MPP4: variants seen among roughly 807,000 people sequenced by gnomAD.
The protein encoded by MPP4 is MAGUK p55 scaffold protein 4, also known as MAGUK p55 subfamily member 4.
Under a neutral mutation model 98.3 loss-of-function variants are expected in MPP4, and 91 were observed. The ratio of observed to expected loss-of-function variants is 0.93; its 90% confidence interval spans 0.78 to 1.10. The LOEUF (loss-of-function observed/expected upper bound fraction) is 1.10, where lower values mean the gene tolerates loss of function less well. MPP4 is among the 50% of genes least tolerant of loss of function. The pLI is 0.00. For synonymous variants in MPP4, 261 were observed against 271.8 expected (o/e 0.96, Z 0.39); for missense variants, 744 against 792.9 (o/e 0.94, Z 0.74).
At chr2:201,653,753 T>G (rs1310166111) in intron 18 of MPP4, among the ~76,000 whole-genome samples, 1 of 152,092 alleles carries the variant, frequency 6.6e-6, no homozygotes, top group Admixed American at 6.6e-5. Context: ...ACGATGAATC[T>G]CAGTATGAAA....
chr2:201,674,880 C>T (rs956682302), intron 11 of MPP4, among the ~76,000 whole-genome samples: 1 of 152,076 alleles, frequency 6.6e-6, no homozygotes. Context: ...ACACCTGTGG[C>T]TCCATCTGGA....
chr2:201,680,885 G>T lies in MPP4; in HGVS notation c.882C>A (p.Asp294Glu). Reference sequence around the variant, plus strand: ...GGACAAGCCCAGCGCAGGTAGCAGGGTCTGAGATTTTTCGGGCCTGCCACC... The same window carrying T: ...GGACAAGCCCAGCGCAGGTAGCAGGTTCTGAGATTTTTCGGGCCTGCCACC... ...ALWWQARKISDPATCAGLVPS... is the reference protein window; with the variant it reads ...ALWWQARKISEPATCAGLVPS... Residue 294 changes from aspartate to glutamate, a missense_variant, in exon 10 of 22, where the codon GAC (aspartate) becomes GAA (glutamate). By Grantham distance (45) the Asp-to-Glu change is conservative. Coordinates refer to ENST00000409474, the MANE Select transcript of MPP4 (RefSeq NM_033066.3). 1 of 1,613,660 alleles carries T rather than the reference G, an allele frequency of 6.2e-7. No individual in the cohort carries two copies. The highest frequency in any genetic ancestry group is 8.5e-7 in the Non-Finnish European group (1 of 1,179,794).
At chr2:201,691,519 TTTTA>T (rs1311695811) in intron 3 of MPP4, among the ~76,000 whole-genome samples, 3 of 152,144 alleles carry the variant, frequency 2.0e-5, no homozygotes, top group South Asian at 2.1e-4. Context: ...ATTTATTCTA[TTTTA>T]TTTATTTATT....
intron 10 of MPP4, among the ~76,000 whole-genome samples, chr2:201,678,169 C>T (rs752912566): frequency 2.4e-4 from 36 of 152,108 alleles, no homozygotes; most frequent in Non-Finnish European, 4.7e-4. Context: ...TTTGTGTGCC[C>T]CCCCAAGAAA....
intron 4 of MPP4, among the ~76,000 whole-genome samples, 170 bp downstream of exon 4, chr2:201,690,031 GA>G (rs1688962586): frequency 6.6e-6 from 1 of 152,148 alleles, no homozygotes; most frequent in African/African-American, 2.4e-5. Context: ...AATTTGGGGA[GA>G]TACCCAGCCA....
chr2:201,693,198 G>A (rs925590575), intron 2 of MPP4, among the ~76,000 whole-genome samples, 169 bp from the exon 3 acceptor site: 13 of 152,320 alleles, frequency 8.5e-5, no homozygotes, highest in African/African-American at 2.9e-4. Flanking sequence ...CTTTGTGAAC[G>A]TCACAAAGTC....
intron 6 of MPP4, 97 bp downstream of exon 6, chr2:201,685,822 C>G: frequency 6.9e-7 from 1 of 1,452,030 alleles, no homozygotes; most frequent in Non-Finnish European, 9.4e-7. Context: ...TATGTGATCG[C>G]AGGCAAGGCT....
chr2:201,682,992 T>C, intron 7 of MPP4, 76 bp from the exon 8 acceptor site: 1 of 1,090,512 alleles, frequency 9.2e-7, no homozygotes, highest in Non-Finnish European at 1.4e-6. Flanking sequence ...CCTCGATAGC[T>C]ATTTAACTCA....
chr2:201,654,173 A>G (rs1687792253), intron 18 of MPP4, among the ~76,000 whole-genome samples: 1 of 152,054 alleles, frequency 6.6e-6, no homozygotes, highest in African/African-American at 2.4e-5. Flanking sequence ...ACGGGGTTTC[A>G]CCATGTTGGC....
intron 1 of MPP4, among the ~76,000 whole-genome samples, chr2:201,694,608 C>CAT (rs1689127689): frequency 1.3e-5 from 1 of 78,870 alleles, no homozygotes; most frequent in Non-Finnish European, 2.2e-5. Flanking sequence ...TTCTTTTTCC[C>CAT]TTTTTTTTTT....
At chr2:201,673,414 C>T (rs1212755067) in intron 11 of MPP4, 3 of 153,522 alleles carry the variant, frequency 2.0e-5, no homozygotes, top group Non-Finnish European at 4.4e-5. Context: ...CACTGGGGGC[C>T]TGTTGGCCGG....
chr2:201,689,776 C>T (rs1245426638), intron 4 of MPP4, among the ~76,000 whole-genome samples: 2 of 151,814 alleles, frequency 1.3e-5, no homozygotes, highest in African/African-American at 2.4e-5. Context: ...TGGGGAAGAT[C>T]GGGAGCTCAG....
At chr2:201,698,477 G>A in intron 1 of MPP4, 110 bp downstream of exon 1, 1 of 754,546 alleles carries the variant, frequency 1.3e-6, no homozygotes, top group Non-Finnish European at 1.9e-6. Context: ...TAAGCCATTT[G>A]AGTTAGATTA....
chr2:201,682,908 A>T lies in MPP4; in HGVS notation c.583T>A (p.Tyr195Asn). Residue 195 changes from tyrosine to asparagine, a missense_variant, in exon 8 of 22, where the codon TAT becomes AAT. Coordinates refer to ENST00000409474, the MANE Select transcript of MPP4 (RefSeq NM_033066.3). ...GGLAERSGLL[Y>N]AGDKLVEVNG... The stretch of plus-strand genomic sequence containing the variant: ...ACTTCTACCAGTTTGTCTCCAGCAT[A>T]TAGCAACCCTAGGCAGACAGTAACA... The T allele has an allele frequency of 6.2e-7, 1 of 1,613,804 alleles. No homozygotes were observed. Among genetic ancestry groups the T allele is most frequent in the Non-Finnish European group, 8.5e-7 (1 of 1,179,706 alleles).
intron 3 of MPP4, 32 bp from the exon 4 acceptor site, chr2:201,690,311 T>G (rs569381706): frequency 7.0e-7 from 1 of 1,427,654 alleles, no homozygotes; most frequent in African/African-American, 1.4e-5. Context: ...AGAATTGATA[T>G]TGATAATATG....
intron 11 of MPP4, among the ~76,000 whole-genome samples, chr2:201,672,618 A>G (rs747443873): frequency 6.6e-6 from 1 of 152,224 alleles, no homozygotes; most frequent in Non-Finnish European, 1.5e-5. Flanking sequence ...GGAATACTAT[A>G]AACACCTCTA....
intron 12 of MPP4, among the ~76,000 whole-genome samples, chr2:201,668,477 C>CTCTTCTCTTCTCTTCTCTTCTCTTCCT (rs1553493949): frequency 7.5e-5 from 11 of 146,912 alleles, no homozygotes; most frequent in African/African-American, 2.8e-4. Context: ...CTCTTCTCTT[C>CTCTTCTCTTCTCTTCTCTTCTCTTCCT]CTCTCTCTCT....
chr2:201,647,225 C>G (rs1256367968), intron 21 of MPP4, among the ~76,000 whole-genome samples: 5 of 152,186 alleles, frequency 3.3e-5, no homozygotes, highest in Admixed American at 6.5e-5. Flanking sequence ...GATATACTCA[C>G]TGAGCATTTT....
At chr2:201,682,744 C>T (rs1688700495) in intron 8 of MPP4, 87 bp downstream of exon 8, 2 of 1,137,730 alleles carry the variant, frequency 1.8e-6, no homozygotes, top group Non-Finnish European at 2.7e-6. Flanking sequence ...CCCGGTACAT[C>T]CCAGTGCACA....
Sources: allele counts gnomAD v4.1 joint callset (sites outside exome capture counted in the v4.1 genomes callset), GRCh38; gene constraint gnomAD v4.1.1; transcripts MANE v1.5; gene names NCBI Gene and HGNC (gene_info 2026-07-23, HGNC 2026-07-21).